The following SCAF8 variants were observed in gnomAD, a reference collection of about 807,000 sequenced individuals.
SCAF8 encodes SR-related CTD associated factor 8, also known as SR-related and CTD-associated factor 8.
SCAF8 carries 23 observed loss-of-function variants against 140.5 expected under a neutral mutation model. The ratio of observed to expected loss-of-function variants is 0.16; its 90% CI spans 0.12 to 0.23. The LOEUF is 0.23. Ranked by LOEUF, SCAF8 falls within the 10% of genes least tolerant of loss-of-function variation. The probability of loss-of-function intolerance (pLI) is 1.00; values close to 1 mark genes in which losing one functional copy is unlikely to be tolerated. For missense variants in SCAF8, 1,397 were observed against 1,555.7 expected, an observed-to-expected ratio of 0.90 and a Z score of 1.72; for synonymous variants, 575 against 528.9, an observed-to-expected ratio of 1.09 and a Z score of -1.20.
intron 14 of SCAF8, among the ~76,000 whole-genome samples, chr6:154,819,332 G>A (rs1191293478): frequency 6.6e-6 from 1 of 152,152 alleles, no homozygotes; most frequent in East Asian, 1.9e-4. Flanking sequence ...CACACCTGCA[G>A]TCCCAGCACT....
At chr6:154,779,000 T>G (rs984608184) in intron 3 of SCAF8, among the ~76,000 whole-genome samples, 4 of 152,124 alleles carry the variant, frequency 2.6e-5, no homozygotes, top group African/African-American at 4.8e-5. Flanking sequence ...TTTAAAAGTT[T>G]TAATGTCTGG....
chr6:154,812,041 A>G (rs1006844428), intron 12 of SCAF8, among the ~76,000 whole-genome samples: 2 of 151,962 alleles, frequency 1.3e-5, no homozygotes, highest in African/African-American at 4.8e-5. Flanking sequence ...TTTATTTTTT[A>G]TTTCTGTTTT....
intron 4 of SCAF8, among the ~76,000 whole-genome samples, chr6:154,790,489 ATTTTTTTTTTTTTTTTTTTTTTTTTTTT>A (rs57095332): frequency 1.4e-5 from 1 of 70,802 alleles, no homozygotes; most frequent in Non-Finnish European, 2.6e-5. Context: ...ATTTAACAGA[ATTTTTTTTTTTTTTTTTTTTTTTTTTTT>A]TTTTTTTTTT....
chr6:154,782,165 T>G (rs926831178), intron 3 of SCAF8, among the ~76,000 whole-genome samples: 5 of 152,146 alleles, frequency 3.3e-5, no homozygotes, highest in African/African-American at 1.2e-4. Flanking sequence ...GCCTACAGTC[T>G]AGCAGTTTGG....
chr6:154,764,824 C>A (rs1156790939), intron 1 of SCAF8, among the ~76,000 whole-genome samples: 1 of 152,182 alleles, frequency 6.6e-6, no homozygotes, highest in Non-Finnish European at 1.5e-5. Flanking sequence ...CAGCGTAAAA[C>A]CATGATTTTT....
At chr6:154,810,265 T>C (rs998868959) in intron 12 of SCAF8, 57 bp downstream of exon 12, 29 of 1,329,590 alleles carry the variant, frequency 2.2e-5, no homozygotes, top group Admixed American at 2.0e-4. Context: ...AAAATAGTTA[T>C]CTGCTACAAA....
rs1350163757 is a variant in SCAF8 at position 154,833,488 on chromosome 6, C to G, written c.*93C>G. 2.4e-6 allele frequency: 3 copies of G among 1,235,974 alleles called. No homozygotes were observed. In the African/African-American group the frequency reaches 4.6e-5, roughly 19 times the overall value. 76.6% of individuals were successfully genotyped at this position (1,235,974 alleles called of 1,614,324 possible). ...CTGGACCATAGTTGTTCACTTTTGT[C>G]TGCCAGAATTAAGTTAATCTGATGT... On this transcript the variant is annotated 3_prime_UTR_variant, in exon 20 of 20. Transcript: ENST00000367178.
At chr6:154,783,677 G>C (rs988673545) in intron 3 of SCAF8, among the ~76,000 whole-genome samples, 3 of 152,158 alleles carry the variant, frequency 2.0e-5, no homozygotes, top group Admixed American at 2.0e-4. Context: ...AATGGTGGTT[G>C]ATATTTTGCA....
Position 154,832,044 on chromosome 6 carries a change from G to A in SCAF8, c.2465G>A (p.Ser822Asn). The change falls in exon 20 of 20, where the codon AGT becomes AAT. Residue 822 changes from serine to asparagine, a missense_variant. Transcript: ENST00000367178. ...ILGVQRPNVS[S>N]NSEILGVRPS... ...GGAGTCCAAAGACCAAATGTATCAA[G>A]TAATTCTGAAATTCTTGGGGTCCGG... is the stretch of plus-strand genomic sequence containing the variant. 1 of 1,614,042 alleles carries A rather than the reference G, an allele frequency of 6.2e-7. No individual in the cohort carries two copies. The highest frequency in any genetic ancestry group is 1.3e-5 in the African/African-American group (1 of 75,002).
At chr6:154,800,464 G>A (rs1015153564) in intron 6 of SCAF8, among the ~76,000 whole-genome samples, 34 of 151,514 alleles carry the variant, frequency 2.2e-4, no homozygotes, top group African/African-American at 8.0e-4. Flanking sequence ...GTGTGACCTG[G>A]GCTGTGAAAA....
At chr6:154,754,044 A>G (rs1252762050) in intron 1 of SCAF8, among the ~76,000 whole-genome samples, 1 of 152,180 alleles carries the variant, frequency 6.6e-6, no homozygotes. Context: ...CCCAAACAGT[A>G]TGTGTCTTAG....
intron 3 of SCAF8, among the ~76,000 whole-genome samples, chr6:154,786,113 A>T (rs1342364319): frequency 6.6e-6 from 1 of 152,220 alleles, no homozygotes; most frequent in African/African-American, 2.4e-5. Flanking sequence ...CTGGAGTTTT[A>T]TTATTACTCA....
At chr6:154,776,123 T>G (rs906832237) in intron 2 of SCAF8, among the ~76,000 whole-genome samples, 1 of 152,054 alleles carries the variant, frequency 6.6e-6, no homozygotes, top group African/African-American at 2.4e-5. Context: ...CATTGTTGAC[T>G]AGTAGCTGTT....
chr6:154,818,251 T>C (rs1778312624), intron 13 of SCAF8, among the ~76,000 whole-genome samples: 1 of 152,016 alleles, frequency 6.6e-6, no homozygotes, highest in Non-Finnish European at 1.5e-5. Context: ...TCGTGGCTTA[T>C]GATACCTAAT....
chr6:154,773,119 A>G (rs1012202855), intron 1 of SCAF8, among the ~76,000 whole-genome samples: 1 of 152,208 alleles, frequency 6.6e-6, no homozygotes, highest in Non-Finnish European at 1.5e-5. Context: ...CAGTCAACTT[A>G]AAGTATACAA....
Position 154,832,862 on chromosome 6 carries a change from C to T in SCAF8, c.3283C>T (p.His1095Tyr), listed in dbSNP as rs1031272107. Residue 1095 changes from histidine to tyrosine, a missense_variant, in exon 20 of 20, where the codon CAT becomes TAT. His to Tyr is a moderately conservative substitution (Grantham distance 83). Coordinates refer to ENST00000367178, the MANE Select transcript of SCAF8 (RefSeq NM_014892.5). The stretch of plus-strand genomic sequence containing the variant: ...CTTTAATCCAGAGAAGCCCTGGGGG[C>T]ATAGAGGAGATTTTGATGAGAGAGA... ...FGFNPEKPWG[H>Y]RGDFDEREHR... 1 of 1,613,974 alleles carries T rather than the reference C, an allele frequency of 6.2e-7. No homozygotes were observed. The highest frequency in any genetic ancestry group is 8.5e-7 in the Non-Finnish European group (1 of 1,179,984).
chr6:154,773,110 A>G (rs2114844848), intron 1 of SCAF8, among the ~76,000 whole-genome samples: 1 of 152,336 alleles, frequency 6.6e-6, no homozygotes, highest in Admixed American at 6.5e-5. Flanking sequence ...CCATAAAATC[A>G]GTCAACTTAA....
In SCAF8 at chr6:154,747,896, C is replaced by CTGTGTGTGTGTG. The variant is rs71021073; in HGVS notation, c.30+13996_30+14007dup. Among the ~76,000 whole-genome samples the CTGTGTGTGTGTG allele has an allele frequency of 1.6e-3, 235 of 144,730 alleles. 1 individual carries two copies. Among genetic ancestry groups the CTGTGTGTGTGTG allele is most frequent in the African/African-American group, 2.5e-3 (99 of 39,622 alleles). The allele number at this position is 144,730 out of a possible 152,430, so 94.9% of individuals were successfully genotyped here. A position where few individuals can be genotyped will look rare whatever the true frequency, so the allele number is the denominator to read the frequency against. Reference sequence around the variant, plus strand: ...CCTTCATGGAGTTTACATTTCATTTCTGTGTGTGTGTGTGTGTGTGTGTGT... The same window carrying CTGTGTGTGTGTG: ...CCTTCATGGAGTTTACATTTCATTTCTGTGTGTGTGTGTGTGTGTGTGTGTGTGTGTGTGTGT... On this transcript the variant is annotated intron_variant, in intron 1 of 19. Coordinates refer to ENST00000367178, the MANE Select transcript of SCAF8 (RefSeq NM_014892.5).
At position 154,736,099 on chromosome 6, in the gene SCAF8, A is replaced by G. The variant is rs1277056883; in HGVS notation, c.30+2169A>G. Among the ~76,000 whole-genome samples the G allele has an allele frequency of 2.0e-5, 3 of 151,824 alleles. No individual in the cohort carries two copies. The East Asian group carries it at 5.8e-4, about 29-fold the overall frequency. ...CCTTGGCATCCCAAGTGCTGGGATG[A>G]CAGATGTGAGCCACCACGCCTGGGG... On this transcript the variant is annotated intron_variant, in intron 1 of 19. Coordinates refer to ENST00000367178, the MANE Select transcript of SCAF8 (RefSeq NM_014892.5).
Sources: allele counts gnomAD v4.1 joint callset (sites outside exome capture counted in the v4.1 genomes callset), GRCh38; gene constraint gnomAD v4.1.1; transcripts MANE v1.5; gene names NCBI Gene and HGNC (gene_info 2026-07-23, HGNC 2026-07-21).